Variants in FIP1L1 observed in about 807,000 individuals in gnomAD.
FIP1L1 encodes pre-mRNA 3'-end-processing factor FIP1.
FIP1L1 carries 21 observed loss-of-function variants against 84.6 expected under a neutral mutation model. That is an observed-to-expected ratio of 0.25 (90% CI 0.18 to 0.36). The LOEUF (loss-of-function observed/expected upper bound fraction) is 0.36, where lower values mean the gene tolerates loss of function less well. FIP1L1 is among the 10% of genes least tolerant of loss of function. The pLI is 1.00. For missense variants in FIP1L1, 526 were observed against 751.1 expected, an observed-to-expected ratio of 0.70 and a Z score of 3.50; for synonymous variants, 263 against 242.3, an observed-to-expected ratio of 1.09 and a Z score of -0.80.
chr4:53,410,379 A>T (rs1369682497), intron 10 of FIP1L1, among the ~76,000 whole-genome samples: 1 of 152,168 alleles, frequency 6.6e-6, no homozygotes, highest in Non-Finnish European at 1.5e-5. Flanking sequence ...ATCAACTTCG[A>T]TGATTGCTCT....
At chr4:53,427,953 A>G (rs1246787278) in intron 12 of FIP1L1, 74 bp from the exon 13 acceptor site, 17 of 1,237,666 alleles carry the variant, frequency 1.4e-5, no homozygotes, top group Middle Eastern at 2.2e-4. Context: ...CTTAGATTAA[A>G]TGAAATTAAT....
At chr4:53,391,970 A>G (rs1407613303) in intron 9 of FIP1L1, among the ~76,000 whole-genome samples, 1 of 152,196 alleles carries the variant, frequency 6.6e-6, no homozygotes, top group Non-Finnish European at 1.5e-5. Context: ...AATCTTAGGC[A>G]TTCTCTGAGA....
intron 16 of FIP1L1, among the ~76,000 whole-genome samples, chr4:53,457,976 A>T (rs1289716675): frequency 6.6e-6 from 1 of 152,094 alleles, no homozygotes; most frequent in Non-Finnish European, 1.5e-5. Context: ...TGCAGCTTCT[A>T]TTTATGCAGT....
intron 13 of FIP1L1, among the ~76,000 whole-genome samples, chr4:53,428,605 G>A (rs1765271890): frequency 1.3e-5 from 2 of 151,082 alleles, no homozygotes; most frequent in South Asian, 4.2e-4. Flanking sequence ...GTCTTCTTCT[G>A]TATACCGGTT....
At chr4:53,379,667 T>C (rs937557443) in intron 3 of FIP1L1, among the ~76,000 whole-genome samples, 4 of 152,228 alleles carry the variant, frequency 2.6e-5, no homozygotes, top group African/African-American at 9.6e-5. Context: ...TTTGATGATA[T>C]AATGGCAGTT....
intron 3 of FIP1L1, among the ~76,000 whole-genome samples, chr4:53,380,180 AAT>A (rs1737066209): frequency 3.0e-5 from 1 of 33,738 alleles, no homozygotes; most frequent in East Asian, 6.5e-4. Context: ...CTTGTACGTG[AAT>A]ATTCATAGCA....
intron 13 of FIP1L1, chr4:53,440,830 G>A (rs1771575114): frequency 2.1e-6 from 1 of 477,628 alleles, no homozygotes; most frequent in South Asian, 2.5e-5. Flanking sequence ...GAGATTCTGA[G>A]AAAATTCTTA....
intron 13 of FIP1L1, among the ~76,000 whole-genome samples, chr4:53,429,013 CACTT>C (rs1332250708): frequency 6.6e-6 from 1 of 152,192 alleles, no homozygotes; most frequent in African/African-American, 2.4e-5. Context: ...TACTCTCACT[CACTT>C]TTATTTGCAA....
intron 12 of FIP1L1, among the ~76,000 whole-genome samples, chr4:53,427,130 T>C (rs1038727985): frequency 2.0e-5 from 3 of 152,192 alleles, no homozygotes; most frequent in African/African-American, 7.2e-5. Context: ...ATAAATACTT[T>C]AAGAAATAGC....
intron 11 of FIP1L1, among the ~76,000 whole-genome samples, chr4:53,416,447 G>C (rs912475562): frequency 3.3e-5 from 5 of 152,212 alleles, no homozygotes; most frequent in African/African-American, 9.7e-5. Context: ...ACATAGTGGA[G>C]CTAGACTGTG....
intron 9 of FIP1L1, among the ~76,000 whole-genome samples, chr4:53,397,593 C>G (rs540940448): frequency 6.6e-6 from 1 of 152,324 alleles, no homozygotes; most frequent in Non-Finnish European, 1.5e-5. Flanking sequence ...TCTCATTTCT[C>G]TGCCACACAT....
Position 53,377,641 on chromosome 4 carries a change from G to A in FIP1L1, c.-198G>A, listed in dbSNP as rs1445549368. On this transcript the variant is annotated 5_prime_UTR_variant, in exon 1 of 18. Coordinates refer to ENST00000337488, the MANE Select transcript of FIP1L1 (RefSeq NM_030917.4). ...ACGCGCCGCGCCGCTTGGGTCTCCT[G>A]CGCATGCGCAGACGGACCTGCGCTG... 4.2e-6 allele frequency: 2 copies of A among 481,310 alleles called. No homozygotes were observed. Among genetic ancestry groups the A allele is most frequent in the Admixed American group, 3.9e-5 (1 of 25,738 alleles). The allele number at this position is 481,310 out of a possible 1,614,324, so 29.8% of individuals were successfully genotyped here. A position where few individuals can be genotyped will look rare whatever the true frequency, so the allele number is the denominator to read the frequency against.
chr4:53,380,256 A>T (rs1737113163), intron 3 of FIP1L1, among the ~76,000 whole-genome samples: 2 of 152,242 alleles, frequency 1.3e-5, no homozygotes, highest in Admixed American at 1.3e-4. Flanking sequence ...ATGAATGGAT[A>T]GATTAAATGT....
Position 53,414,597 on chromosome 4 carries a change from G to GAA in FIP1L1, c.816-15_816-14dup. ...ACAACAATATGTAAGAAAAAACATA[G>GAA]AAAATTTATCTCACCAGAAACAGCA... On this transcript the variant is annotated splice_polypyrimidine_tract_variant and intron_variant, in intron 10 of 17. Coordinates refer to ENST00000337488, the MANE Select transcript of FIP1L1 (RefSeq NM_030917.4). 1 of 1,558,336 alleles carries GAA rather than the reference G, an allele frequency of 6.4e-7. No individual in the cohort carries two copies. Among genetic ancestry groups the GAA allele is most frequent in the Non-Finnish European group, 8.8e-7 (1 of 1,137,154 alleles).
chr4:53,402,660 C>T (rs1750907187), intron 10 of FIP1L1, among the ~76,000 whole-genome samples: 1 of 152,150 alleles, frequency 6.6e-6, no homozygotes, highest in African/African-American at 2.4e-5. Context: ...CAAGATCACA[C>T]CACTGCACTC....
intron 10 of FIP1L1, among the ~76,000 whole-genome samples, chr4:53,404,888 A>G (rs1358607321): frequency 6.6e-6 from 1 of 150,972 alleles, no homozygotes; most frequent in South Asian, 2.1e-4. Context: ...GTTTGAGTTC[A>G]TTGTAGATTC....
rs1235059070 is a variant in FIP1L1, at chr4:53,383,682, AAAAAC to A, written c.229-89_229-85del. On this transcript the variant is annotated intron_variant, in intron 4 of 17. Transcript: ENST00000337488. Reference sequence around the variant, plus strand: ...GTCTCAAGACAGAAGAAAGAAAAAAAAAAACAGGGTGGTTACTTTTTTTAGTTATT... The same window carrying A: ...GTCTCAAGACAGAAGAAAGAAAAAAAAGGGTGGTTACTTTTTTTAGTTATT... 5 of 1,305,514 alleles carry A rather than the reference AAAAAC, an allele frequency of 3.8e-6. No individual in the cohort carries two copies. In the African/African-American group the frequency reaches 7.5e-5, roughly 20 times the overall value. 80.9% of individuals were successfully genotyped at this position (1,305,514 alleles called of 1,614,324 possible). A position where few individuals can be genotyped will look rare whatever the true frequency, so the allele number is the denominator to read the frequency against.
At chr4:53,431,800 A>G (rs1196762886) in intron 13 of FIP1L1, among the ~76,000 whole-genome samples, 1 of 152,240 alleles carries the variant, frequency 6.6e-6, no homozygotes, top group Non-Finnish European at 1.5e-5. Context: ...GCATAAGTAG[A>G]TAAGTTACTG....
At chr4:53,391,251 A>T in intron 8 of FIP1L1, 112 bp downstream of exon 8, 1 of 1,318,654 alleles carries the variant, frequency 7.6e-7, no homozygotes, top group Non-Finnish European at 1.0e-6. Flanking sequence ...TAGTTTAAAA[A>T]TTCCATTTTG....
Sources: allele counts gnomAD v4.1 joint callset (sites outside exome capture counted in the v4.1 genomes callset), GRCh38; gene constraint gnomAD v4.1.1; transcripts MANE v1.5; gene names NCBI Gene and HGNC (gene_info 2026-07-23, HGNC 2026-07-21).